The following LRMDA variants were observed in gnomAD, a reference collection of about 807,000 sequenced individuals.
The protein encoded by LRMDA is leucine rich melanocyte differentiation associated.
A neutral mutation model predicts 29.8 loss-of-function variants in LRMDA; 18 were observed. The observed-to-expected ratio is 0.60, with a 90% CI of 0.42 to 0.90. The LOEUF (loss-of-function observed/expected upper bound fraction) is 0.90. Among genes scored for constraint, LRMDA ranks in the 40% least tolerant of loss-of-function variants. The probability of loss-of-function intolerance (pLI) is 0.00; values close to 1 mark genes in which losing one functional copy is unlikely to be tolerated. For missense variants in LRMDA, 273 were observed against 273.9 expected, an observed-to-expected ratio of 1.00 and a Z score of 0.02; for synonymous variants, 125 against 109.4, an observed-to-expected ratio of 1.14 and a Z score of -0.89.
intron 5 of LRMDA, among the ~76,000 whole-genome samples, chr10:76,139,465 C>T (rs1454456678): frequency 6.6e-6 from 1 of 152,070 alleles, no homozygotes; most frequent in Non-Finnish European, 1.5e-5. Flanking sequence ...ACTCTGGTTT[C>T]AAATATTATG....
At chr10:76,397,685 A>G (rs1485908540) in intron 6 of LRMDA, among the ~76,000 whole-genome samples, 2 of 152,142 alleles carry the variant, frequency 1.3e-5, no homozygotes, top group Non-Finnish European at 2.9e-5. Context: ...GGCCCAGCAA[A>G]ACAGACCTCT....
chr10:75,596,554 T>A (rs1017003025), intron 2 of LRMDA, among the ~76,000 whole-genome samples: 49 of 152,152 alleles, frequency 3.2e-4, no homozygotes, highest in East Asian at 1.2e-3. Context: ...TTTTTTTTTT[T>A]TAAAATGACA....
chr10:76,320,851 G>GT (rs1840762389), intron 5 of LRMDA, among the ~76,000 whole-genome samples: 1 of 152,156 alleles, frequency 6.6e-6, no homozygotes, highest in African/African-American at 2.4e-5. Context: ...ACATTTTCAT[G>GT]AATTTAGTGT....
chr10:76,234,909 C>T (rs1348203254), intron 5 of LRMDA, among the ~76,000 whole-genome samples: 3 of 152,234 alleles, frequency 2.0e-5, no homozygotes, highest in Non-Finnish European at 4.4e-5. Flanking sequence ...GGCTGTTTCA[C>T]TTTCTTATCA....
At chr10:75,590,661 A>G (rs1188641608) in intron 2 of LRMDA, among the ~76,000 whole-genome samples, 1 of 150,984 alleles carries the variant, frequency 6.6e-6, no homozygotes, top group Non-Finnish European at 1.5e-5. Context: ...GCATTTAATA[A>G]TGCCTTAAAT....
At chr10:76,525,063 G>T (rs1843161027) in intron 6 of LRMDA, among the ~76,000 whole-genome samples, 1 of 152,110 alleles carries the variant, frequency 6.6e-6, no homozygotes, top group Non-Finnish European at 1.5e-5. Context: ...GGCAGGGCTT[G>T]GAAGAAAATT....
intron 6 of LRMDA, among the ~76,000 whole-genome samples, chr10:76,424,149 G>A (rs1297077340): frequency 6.6e-6 from 1 of 152,256 alleles, no homozygotes; most frequent in Admixed American, 6.5e-5. Flanking sequence ...TCTGATAAAA[G>A]TGATTTTTGA....
intron 5 of LRMDA, among the ~76,000 whole-genome samples, chr10:76,112,203 C>T (rs1014613777): frequency 2.6e-5 from 4 of 152,144 alleles, no homozygotes; most frequent in Non-Finnish European, 4.4e-5. Context: ...CTTCTAGCGG[C>T]GAGGAATGAG....
Position 75,602,260 on chromosome 10 carries a change from T to G in LRMDA, c.131+163766T>G, listed in dbSNP as rs115728508. 3.2e-3 allele frequency among the ~76,000 whole-genome samples: 480 copies of G among 152,292 alleles called. 3 individuals carry two copies. Among genetic ancestry groups the G allele is most frequent in the African/African-American group, 0.011 (466 of 41,564 alleles). Reference sequence around the variant, plus strand: ...ATTTGGAGTTAAGGGAGGAGGGATTTTGATCTAGAATGACTAAGAAATGGC... The same window carrying G: ...ATTTGGAGTTAAGGGAGGAGGGATTGTGATCTAGAATGACTAAGAAATGGC... On this transcript the variant is annotated intron_variant, in intron 2 of 6. Transcript: ENST00000611255.
chr10:75,841,129 A>G (rs1232623559), intron 2 of LRMDA, among the ~76,000 whole-genome samples: 1 of 152,212 alleles, frequency 6.6e-6, no homozygotes, highest in Non-Finnish European at 1.5e-5. Context: ...GAGAAGTGTT[A>G]TTTTAGCTAA....
At chr10:75,557,317 T>TAAA (rs35472435) in intron 2 of LRMDA, among the ~76,000 whole-genome samples, 1 of 142,388 alleles carries the variant, frequency 7.0e-6, no homozygotes, top group Non-Finnish European at 1.5e-5. Flanking sequence ...CTGTCTCAAT[T>TAAA]AAAAAAAAAA....
chr10:76,522,804 A>G (rs1345331731), intron 6 of LRMDA, among the ~76,000 whole-genome samples: 1 of 152,176 alleles, frequency 6.6e-6, no homozygotes, highest in Non-Finnish European at 1.5e-5. Flanking sequence ...GGGCAGGGAC[A>G]AGGATGGCTC....
intron 1 of LRMDA, among the ~76,000 whole-genome samples, chr10:75,437,820 TG>T (rs553171193): frequency 1.7e-4 from 26 of 152,340 alleles, no homozygotes; most frequent in Admixed American, 1.3e-3. Flanking sequence ...GTTGCCCTGT[TG>T]CCTTCAAATC....
chr10:76,375,170 A>G (rs1438697768), intron 6 of LRMDA, among the ~76,000 whole-genome samples: 1 of 152,222 alleles, frequency 6.6e-6, no homozygotes, highest in Non-Finnish European at 1.5e-5. Flanking sequence ...GGCTTTTTCT[A>G]AAACTCTCTG....
intron 5 of LRMDA, among the ~76,000 whole-genome samples, chr10:76,147,744 G>A (rs1054481979): frequency 4.6e-5 from 7 of 152,276 alleles, no homozygotes; most frequent in African/African-American, 9.6e-5. Context: ...GCGTTCCTTC[G>A]GAGGAGGAGA....
At chr10:75,463,547 G>A (rs1589151115) in intron 2 of LRMDA, among the ~76,000 whole-genome samples, 1 of 152,064 alleles carries the variant, frequency 6.6e-6, no homozygotes, top group East Asian at 1.9e-4. Context: ...GAGTGCAGTG[G>A]TGGGATCTCA....
At chr10:75,887,580 G>A (rs1845412135) in intron 2 of LRMDA, among the ~76,000 whole-genome samples, 1 of 152,018 alleles carries the variant, frequency 6.6e-6, no homozygotes, top group Admixed American at 6.6e-5. Flanking sequence ...TTGGAACACA[G>A]CTGCACCCAT....
chr10:75,712,301 G>A (rs1842445375), intron 2 of LRMDA, among the ~76,000 whole-genome samples: 1 of 152,120 alleles, frequency 6.6e-6, no homozygotes, highest in African/African-American at 2.4e-5. Context: ...TAGGAAAGGT[G>A]AAAAGCAGGA....
rs116278709 is a variant in LRMDA, at chr10:76,141,503, T to C, written c.516+82720T>C. On this transcript the variant is annotated intron_variant, in intron 5 of 6. Transcript: ENST00000611255. ...GTTATAGAACAAATGAATTTAGATATGTATGTCAAGTTTGTACACCTAAGT... is the reference window on the plus strand; with the variant it reads ...GTTATAGAACAAATGAATTTAGATACGTATGTCAAGTTTGTACACCTAAGT... 5.1e-3 allele frequency among the ~76,000 whole-genome samples: 779 copies of C among 152,242 alleles called. 6 individuals carry two copies. The highest frequency in any genetic ancestry group is 0.018 in the African/African-American group (746 of 41,560).
Sources: allele counts gnomAD v4.1 joint callset (sites outside exome capture counted in the v4.1 genomes callset), GRCh38; gene constraint gnomAD v4.1.1; transcripts MANE v1.5; gene names NCBI Gene and HGNC (gene_info 2026-07-23, HGNC 2026-07-21).